Variants in IPP observed in about 807,000 individuals in gnomAD.
IPP encodes the protein actin-binding protein IPP.
IPP carries 41 observed loss-of-function variants against 64.1 expected under a neutral mutation model. That is an observed-to-expected ratio of 0.64 (90% CI 0.50 to 0.83). The LOEUF is 0.83. Ranked by LOEUF, IPP falls within the 40% of genes least tolerant of loss-of-function variation. IPP has a pLI of 0.00. For missense variants in IPP, 649 were observed against 703.0 expected, an observed-to-expected ratio of 0.92 and a Z score of 0.87; for synonymous variants, 214 against 235.2, an observed-to-expected ratio of 0.91 and a Z score of 0.83.
downstream of IPP, among the ~76,000 whole-genome samples, chr1:45,696,249 A>G (rs1645387118): frequency 6.6e-6 from 1 of 152,230 alleles, no homozygotes; most frequent in Non-Finnish European, 1.5e-5. Flanking sequence ...GATTAAGTAC[A>G]TTGGCAGGAT....
In IPP at chr1:45,699,611, G is replaced by T. The variant is rs1354329974; in HGVS notation, c.*355C>A. ...TCTGTGTGAGCTCTTTATTAATTGG[G>T]ATATATTCCATATCCATTCTCACTC... On this transcript the variant is annotated 3_prime_UTR_variant, in exon 9 of 9. Transcript: ENST00000396478. 2 of 1,011,558 alleles carry T rather than the reference G, an allele frequency of 2.0e-6. No homozygotes were observed. Among genetic ancestry groups the T allele is most frequent in the Non-Finnish European group, 2.4e-6 (2 of 844,072 alleles). 62.7% of individuals were successfully genotyped at this position (1,011,558 alleles called of 1,614,324 possible).
At chr1:45,708,708 A>G (rs1461899840) in intron 8 of IPP, among the ~76,000 whole-genome samples, 3 of 148,272 alleles carry the variant, frequency 2.0e-5, no homozygotes, top group African/African-American at 5.0e-5. Flanking sequence ...AAGCAACCTA[A>G]CATTCTATAC....
chr1:45,699,821 G>C lies in IPP; in HGVS notation c.*145C>G, dbSNP rs987510108. The C allele has an allele frequency of 1.1e-5, 16 of 1,448,790 alleles. No homozygotes were observed. Among genetic ancestry groups the C allele is most frequent in the Non-Finnish European group, 1.4e-5 (16 of 1,105,154 alleles). The allele number at this position is 1,448,790 out of a possible 1,614,324, so 89.7% of individuals were successfully genotyped here. ...GGGATTATAGGCATGAGGCCACTGC[G>C]CCCAGCCTCGTTAGTCATTTATCTA... is the stretch of plus-strand genomic sequence containing the variant. On this transcript the variant is annotated 3_prime_UTR_variant, in exon 9 of 9. Transcript: ENST00000396478.
intron 5 of IPP, among the ~76,000 whole-genome samples, chr1:45,721,911 A>C (rs1043074292): frequency 2.6e-5 from 4 of 152,088 alleles, no homozygotes; most frequent in Non-Finnish European, 5.9e-5. Context: ...TCTACTAAAA[A>C]CACAAAAATT....
intron 8 of IPP, among the ~76,000 whole-genome samples, chr1:45,712,308 A>AC (rs1376255754): frequency 6.6e-6 from 1 of 151,760 alleles, no homozygotes; most frequent in East Asian, 1.9e-4. Flanking sequence ...TAAAAAAAAA[A>AC]AAAAAAGCAA....
In IPP at chr1:45,746,176, G is replaced by A. The variant is rs370892993; in HGVS notation, c.236C>T (p.Pro79Leu). The A allele has an allele frequency of 2.1e-5, 34 of 1,613,970 alleles. No homozygotes were observed. The highest frequency in any genetic ancestry group is 1.7e-4 in the African/African-American group (13 of 75,028). Residue 79 changes from proline to leucine, a missense_variant, in exon 2 of 9, where the codon CCG becomes CTG. Pro to Leu is a moderately conservative substitution (Grantham distance 98, BLOSUM62 -3). Coordinates refer to ENST00000396478, the MANE Select transcript of IPP (RefSeq NM_005897.3). ...GATTCCTGCTTCAATTCCTAGAATC[G>A]GTACAACATCTTTTGAGGACTCTTT... ...GMKESSKDVV[P>L]ILGIEAGIFQ...
chr1:45,702,889 G>C (rs1158390096), intron 8 of IPP, among the ~76,000 whole-genome samples: 1 of 152,162 alleles, frequency 6.6e-6, no homozygotes, highest in African/African-American at 2.4e-5. Flanking sequence ...GGATCATGGA[G>C]AAAGGAATTT....
rs758517801 is a variant in IPP, at chr1:45,719,222, A to G, written c.1167T>C (p.Tyr389=). 1.7e-5 allele frequency: 28 copies of G among 1,613,906 alleles called. No individual in the cohort carries two copies. The highest frequency in any genetic ancestry group is 2.4e-5 in the Non-Finnish European group (28 of 1,179,948). Residue 389 remains tyrosine, a synonymous_variant, in exon 6 of 9, where the codon TAT becomes TAC. Transcript: ENST00000396478. ...PRCGLGVCVC[Y]GAIYALGGWV... The stretch of plus-strand genomic sequence containing the variant: ...AATTACCCAAAGCATAGATAGCCCC[A>G]TAACACACACACACTCCTAAGCCGC...
intron 6 of IPP, 119 bp downstream of exon 6, chr1:45,719,084 A>G: frequency 1.2e-6 from 1 of 853,550 alleles, no homozygotes; most frequent in South Asian, 1.6e-5. Flanking sequence ...ATTATTACGC[A>G]TTATGTGCCT....
rs144666772 is a variant in IPP at position 45,698,937 on chromosome 1, G to C, written c.*1029C>G. 2.5e-4 allele frequency: 142 copies of C among 562,798 alleles called. No individual in the cohort carries two copies. The East Asian group carries it at 0.013, about 53-fold the overall frequency. 34.9% of individuals were successfully genotyped at this position (562,798 alleles called of 1,614,324 possible). A position where few individuals can be genotyped will look rare whatever the true frequency, so the allele number is the denominator to read the frequency against. On this transcript the variant is annotated 3_prime_UTR_variant, in exon 9 of 9. Transcript: ENST00000396478. ...GAGTCTCATCACGTTGCCCAGGCTAGTCTCGAACTCCTGAGTTCAAGCCAT... is the reference window on the plus strand; with the variant it reads ...GAGTCTCATCACGTTGCCCAGGCTACTCTCGAACTCCTGAGTTCAAGCCAT...
chr1:45,744,116 A>T lies in IPP; in HGVS notation c.292+2004T>A, dbSNP rs189763260. 2.1e-4 allele frequency among the ~76,000 whole-genome samples: 32 copies of T among 152,038 alleles called. No homozygotes were observed. The East Asian group carries it at 5.8e-3, about 28-fold the overall frequency. On this transcript the variant is annotated intron_variant, in intron 2 of 8. Transcript: ENST00000396478. The stretch of plus-strand genomic sequence containing the variant: ...CATATTTTTCCATACACAGACATAC[A>T]TTGTATTAACACTGTAGTGTCTTTC...
intron 8 of IPP, among the ~76,000 whole-genome samples, chr1:45,702,112 AG>A (rs1186123337): frequency 1.3e-5 from 2 of 152,336 alleles, no homozygotes; most frequent in East Asian, 3.9e-4. Flanking sequence ...GTTTGTAATT[AG>A]GGAGAACCTT....
chr1:45,736,482 C>A (rs913757234), intron 3 of IPP, among the ~76,000 whole-genome samples: 2 of 152,074 alleles, frequency 1.3e-5, no homozygotes, highest in South Asian at 4.1e-4. Flanking sequence ...TAAGATTTTG[C>A]TCCCTCTGAA....
intron 8 of IPP, among the ~76,000 whole-genome samples, chr1:45,713,001 T>C (rs2148555996): frequency 6.6e-6 from 1 of 151,250 alleles, no homozygotes; most frequent in Non-Finnish European, 1.5e-5. Flanking sequence ...AAAGGCAACA[T>C]ATCAAAATAT....
intron 3 of IPP, among the ~76,000 whole-genome samples, chr1:45,738,745 C>G (rs1422335965): frequency 6.9e-6 from 1 of 144,316 alleles, no homozygotes; most frequent in Non-Finnish European, 1.5e-5. Context: ...GAGGCTGAGG[C>G]AGGAGAATGG....
At position 45,717,003 on chromosome 1, in the gene IPP, C is replaced by A; in HGVS notation, c.1201G>T (p.Ala401Ser). The A allele has an allele frequency of 2.5e-6, 4 of 1,612,494 alleles. No homozygotes were observed. The highest frequency in any genetic ancestry group is 1.7e-5 in the Admixed American group (1 of 59,518). The stretch of plus-strand genomic sequence containing the variant: ...CGTTCAATGGTGTTCCCTATCTCAG[C>A]TCCAACCCATCCACCTGTAATGAAA... Reference protein sequence around the residue: ...AIYALGGWVGAEIGNTIERFD... With the variant: ...AIYALGGWVGSEIGNTIERFD... Residue 401 changes from alanine to serine, a missense_variant, in exon 7 of 9, where the codon GCT becomes TCT. Coordinates refer to ENST00000396478, the MANE Select transcript of IPP (RefSeq NM_005897.3).
intron 1 of IPP, among the ~76,000 whole-genome samples, chr1:45,747,131 C>T (rs941542981): frequency 3.9e-5 from 6 of 151,922 alleles, no homozygotes; most frequent in African/African-American, 7.2e-5. Flanking sequence ...CGCGCGCGCG[C>T]GCTTCAGAGC....
intron 5 of IPP, 51 bp from the exon 6 acceptor site, chr1:45,719,391 A>G: frequency 8.1e-7 from 1 of 1,227,302 alleles, no homozygotes; most frequent in Non-Finnish European, 1.1e-6. Flanking sequence ...ATGCCAACAG[A>G]CTAGCACCAT....
At chr1:45,745,413 A>T (rs575052961) in intron 2 of IPP, among the ~76,000 whole-genome samples, 4 of 152,232 alleles carry the variant, frequency 2.6e-5, no homozygotes, top group South Asian at 2.1e-4. Context: ...CCTGATTTTT[A>T]AAATTTTATA....
Sources: allele counts gnomAD v4.1 joint callset (sites outside exome capture counted in the v4.1 genomes callset), GRCh38; gene constraint gnomAD v4.1.1; transcripts MANE v1.5; gene names NCBI Gene and HGNC (gene_info 2026-07-23, HGNC 2026-07-21).